Variants in MED28 observed in about 807,000 individuals in gnomAD.
The protein encoded by MED28 is mediator complex subunit 28, also known as mediator of RNA polymerase II transcription subunit 28.
MED28 carries 26 observed loss-of-function variants against 21.3 expected under a neutral mutation model. That is an observed-to-expected ratio of 1.22 (90% CI 0.89 to 1.69). MED28 has a LOEUF of 1.69. Among genes scored for constraint, MED28 ranks in the 40% most tolerant of loss-of-function variants. The pLI is 0.00. For missense variants in MED28, 257 were observed against 215.4 expected (o/e 1.19, Z -1.21); for synonymous variants, 110 against 87.6 (o/e 1.26, Z -1.43).
At position 17,633,640 on chromosome 4, in the gene MED28, A is replaced by G; in HGVS notation, c.*9842A>G. On this transcript the variant is annotated 3_prime_UTR_variant, in exon 4 of 4. Transcript: ENST00000237380. ...TAGAAAGAATCCTACTTCCCCTCTT[A>G]TCTACAGGGAAATAGAATAAGGGCC... 1 of 1,389,838 alleles carries G rather than the reference A, an allele frequency of 7.2e-7. No individual in the cohort carries two copies. Among genetic ancestry groups the G allele is most frequent in the Non-Finnish European group, 9.4e-7 (1 of 1,061,320 alleles). The allele number at this position is 1,389,838 out of a possible 1,614,324, so 86.1% of individuals were successfully genotyped here.
chr4:17,625,749 C>T lies in MED28; in HGVS notation c.*1951C>T. 2.3e-6 allele frequency: 1 copy of T among 428,000 alleles called. No homozygotes were observed. Among genetic ancestry groups the T allele is most frequent in the South Asian group, 1.7e-5 (1 of 59,942 alleles). The allele number at this position is 428,000 out of a possible 1,614,324, so 26.5% of individuals were successfully genotyped here. A position where few individuals can be genotyped will look rare whatever the true frequency, so the allele number is the denominator to read the frequency against. On this transcript the variant is annotated 3_prime_UTR_variant, in exon 4 of 4. Coordinates refer to ENST00000237380, the MANE Select transcript of MED28 (RefSeq NM_025205.5). ...TCACAAGCCATCTTCTCAAGTTCCC[C>T]TAGAAACCTGTGGAATGCCCTCTGC...
intron 3 of MED28, 93 bp downstream of exon 3, chr4:17,621,792 C>CTTTCATT: frequency 1.2e-6 from 1 of 860,548 alleles, no homozygotes. Context: ...CCGTTTCCTG[C>CTTTCATT]GAGTTTCATT....
At position 17,623,907 on chromosome 4, in the gene MED28, T is replaced by A. The variant is rs1425575228; in HGVS notation, c.*109T>A. On this transcript the variant is annotated 3_prime_UTR_variant, in exon 4 of 4. Coordinates refer to ENST00000237380, the MANE Select transcript of MED28 (RefSeq NM_025205.5). ...GAAGAACTCTTTGCCAGATAATGAG[T>A]TCATTTTAGTTTTATGCTCCCATTG... is the stretch of plus-strand genomic sequence containing the variant. The A allele has an allele frequency of 3.9e-6, 5 of 1,271,750 alleles. No homozygotes were observed. The highest frequency in any genetic ancestry group is 5.4e-6 in the Non-Finnish European group (5 of 924,822). 78.8% of individuals were successfully genotyped at this position (1,271,750 alleles called of 1,614,324 possible). A position where few individuals can be genotyped will look rare whatever the true frequency, so the allele number is the denominator to read the frequency against.
At chr4:17,619,870 T>A (rs754337784) in intron 1 of MED28, 31 bp from the exon 2 acceptor site, 1 of 1,601,408 alleles carries the variant, frequency 6.2e-7, no homozygotes, top group Non-Finnish European at 8.6e-7. Context: ...ATAAATGATA[T>A]TTTTTTCTTT....
Position 17,624,129 on chromosome 4 carries a change from G to A in MED28, c.*331G>A. On this transcript the variant is annotated 3_prime_UTR_variant, in exon 4 of 4. Coordinates refer to ENST00000237380, the MANE Select transcript of MED28 (RefSeq NM_025205.5). ...CATGACTTTTCATCTTTTTATGTGT[G>A]TTTCCTGTAGTTTGATCCGAAGGAA... 3.3e-6 allele frequency: 1 copy of A among 300,906 alleles called. No homozygotes were observed. Among genetic ancestry groups the A allele is most frequent in the Non-Finnish European group, 6.4e-6 (1 of 157,130 alleles). 18.6% of individuals were successfully genotyped at this position (300,906 alleles called of 1,614,324 possible). A position where few individuals can be genotyped will look rare whatever the true frequency, so the allele number is the denominator to read the frequency against.
chr4:17,616,517 A>C (rs896916253), intron 1 of MED28, among the ~76,000 whole-genome samples: 1 of 152,168 alleles, frequency 6.6e-6, no homozygotes. Context: ...CAAGATGTTT[A>C]GTGTGGTCTC....
chr4:17,624,093 T>G lies in MED28; in HGVS notation c.*295T>G, dbSNP rs1714711082. 1 of 378,722 alleles carries G rather than the reference T, an allele frequency of 2.6e-6. No individual in the cohort carries two copies. Among genetic ancestry groups the G allele is most frequent in the Non-Finnish European group, 4.9e-6 (1 of 205,988 alleles). 23.5% of individuals were successfully genotyped at this position (378,722 alleles called of 1,614,324 possible). ...CTTTTTTATGGTGGCTTTGCTTGTTTTAAATTTTTGCATGACTTTTCATCT... is the reference window on the plus strand; with the variant it reads ...CTTTTTTATGGTGGCTTTGCTTGTTGTAAATTTTTGCATGACTTTTCATCT... On this transcript the variant is annotated 3_prime_UTR_variant, in exon 4 of 4. Coordinates refer to ENST00000237380, the MANE Select transcript of MED28 (RefSeq NM_025205.5).
rs1230210687 is a variant in MED28, at chr4:17,625,656, A to G, written c.*1858A>G. On this transcript the variant is annotated 3_prime_UTR_variant, in exon 4 of 4. Coordinates refer to ENST00000237380, the MANE Select transcript of MED28 (RefSeq NM_025205.5). ...ATTTTTCAATCTTCTCTGTTTGTAG[A>G]CATCTTACTGGGTGATGAATAATCC... 2 of 447,824 alleles carry G rather than the reference A, an allele frequency of 4.5e-6. No homozygotes were observed. The highest frequency in any genetic ancestry group is 4.0e-5 in the African/African-American group (2 of 49,762). 27.7% of individuals were successfully genotyped at this position (447,824 alleles called of 1,614,324 possible). A position where few individuals can be genotyped will look rare whatever the true frequency, so the allele number is the denominator to read the frequency against.
Position 17,624,034 on chromosome 4 carries a change from C to T in MED28, c.*236C>T, listed in dbSNP as rs1457543034. 1.5e-5 allele frequency: 8 copies of T among 541,164 alleles called. No homozygotes were observed. Among genetic ancestry groups the T allele is most frequent in the African/African-American group, 7.6e-5 (4 of 52,714 alleles). The allele number at this position is 541,164 out of a possible 1,614,324, so 33.5% of individuals were successfully genotyped here. ...GTAAGTATTTTTTTTTTGTCTTTAG[C>T]AAAGTTTAGACTGTGAATATGATGA... is the stretch of plus-strand genomic sequence containing the variant. On this transcript the variant is annotated 3_prime_UTR_variant, in exon 4 of 4. Coordinates refer to ENST00000237380, the MANE Select transcript of MED28 (RefSeq NM_025205.5).
chr4:17,633,907 A>G lies in MED28; in HGVS notation c.*10109A>G. The G allele has an allele frequency of 6.7e-7, 1 of 1,490,118 alleles. No homozygotes were observed. The highest frequency in any genetic ancestry group is 9.0e-7 in the Non-Finnish European group (1 of 1,115,482). The allele number at this position is 1,490,118 out of a possible 1,614,324, so 92.3% of individuals were successfully genotyped here. ...TCTTTTTCTGTTTGTATTAATGGAC[A>G]GGTTAGTGCAATGCAATGCAAAAAA... On this transcript the variant is annotated 3_prime_UTR_variant, in exon 4 of 4. Transcript: ENST00000237380.
At position 17,623,815 on chromosome 4, in the gene MED28, G is replaced by A; in HGVS notation, c.*17G>A. 1 of 1,607,840 alleles carries A rather than the reference G, an allele frequency of 6.2e-7. No individual in the cohort carries two copies. The highest frequency in any genetic ancestry group is 1.1e-5 in the South Asian group (1 of 90,264). On this transcript the variant is annotated 3_prime_UTR_variant, in exon 4 of 4. Coordinates refer to ENST00000237380, the MANE Select transcript of MED28 (RefSeq NM_025205.5). Reference sequence around the variant, plus strand: ...CCAACGTGAGCAAAGGGCAGAGGCAGTTGGCCTATGAGTGGGCTGATGCGT... The same window carrying A: ...CCAACGTGAGCAAAGGGCAGAGGCAATTGGCCTATGAGTGGGCTGATGCGT...
At chr4:17,615,014 C>G (rs1228066120) in intron 1 of MED28, among the ~76,000 whole-genome samples, 1 of 152,198 alleles carries the variant, frequency 6.6e-6, no homozygotes. Flanking sequence ...GTAAACTCGA[C>G]GTTTGTGGAA....
At chr4:17,623,079 T>C (rs1191334119) in intron 3 of MED28, among the ~76,000 whole-genome samples, 1 of 152,206 alleles carries the variant, frequency 6.6e-6, no homozygotes, top group Non-Finnish European at 1.5e-5. Context: ...TTTTGAATTT[T>C]GTAACTTGCA....
chr4:17,618,851 T>C (rs1222287575), intron 1 of MED28, among the ~76,000 whole-genome samples: 1 of 152,198 alleles, frequency 6.6e-6, no homozygotes, highest in Non-Finnish European at 1.5e-5. Flanking sequence ...GGAGTCAATG[T>C]TCAAAGTAAT....
rs139440466 is a variant in MED28, at chr4:17,629,166, G to A, written c.*5368G>A. The A allele has an allele frequency of 0.018, 2,717 of 152,588 alleles. 70 individuals are homozygous for A. Among genetic ancestry groups the A allele is most frequent in the African/African-American group, 0.053 (2,215 of 41,548 alleles). The allele number at this position is 152,588 out of a possible 1,614,324, so 9.5% of individuals were successfully genotyped here. A position where few individuals can be genotyped will look rare whatever the true frequency, so the allele number is the denominator to read the frequency against. ...GAGAATCGCTTGAACCCGGGAGGCC[G>A]AGGTTGCAGTGAGCTGAGATGGCGC... On this transcript the variant is annotated 3_prime_UTR_variant, in exon 4 of 4. Transcript: ENST00000237380.
intron 1 of MED28, among the ~76,000 whole-genome samples, chr4:17,615,599 C>T (rs1323424686): frequency 6.6e-6 from 1 of 152,130 alleles, no homozygotes; most frequent in Non-Finnish European, 1.5e-5. Flanking sequence ...ATCATGAGGT[C>T]AGGAGTTCGA....
Position 17,621,632 on chromosome 4 carries a change from CA to C in MED28, c.273del (p.Glu92AsnfsTer27), listed in dbSNP as rs1399867549. The part of the protein sequence containing the change: ...IQKFLDIARQ[T>X]ECFFLQKRLQ... The stretch of plus-strand genomic sequence containing the variant: ...AAGTTTCTGGATATTGCAAGACAGA[CA>C]GAATGTTTTTTCTTACAAAAAAGAT... On this transcript the variant is annotated frameshift_variant, in exon 3 of 4. Transcript: ENST00000237380. LOFTEE classifies it high-confidence loss of function. 6.2e-7 allele frequency: 1 copy of C among 1,610,180 alleles called. No individual in the cohort carries two copies. Among genetic ancestry groups the C allele is most frequent in the African/African-American group, 1.3e-5 (1 of 74,874 alleles).
At chr4:17,619,514 C>T (rs1411482811) in intron 1 of MED28, among the ~76,000 whole-genome samples, 1 of 152,154 alleles carries the variant, frequency 6.6e-6, no homozygotes, top group Non-Finnish European at 1.5e-5. Context: ...AAAGGGTAGA[C>T]CGGCTGCTGT....
rs981799386 is a variant in MED28, at chr4:17,633,940, A to T, written c.*10142A>T. 6 of 879,908 alleles carry T rather than the reference A, an allele frequency of 6.8e-6. No individual in the cohort carries two copies. In the African/African-American group the frequency reaches 9.5e-5, roughly 14 times the overall value. 54.5% of individuals were successfully genotyped at this position (879,908 alleles called of 1,614,324 possible). A position where few individuals can be genotyped will look rare whatever the true frequency, so the allele number is the denominator to read the frequency against. On this transcript the variant is annotated 3_prime_UTR_variant, in exon 4 of 4. Transcript: ENST00000237380. ...GCAATGCAATGCAAAAAACAAAATAAAGCATTATTGTAAAAGCAAATAATG... is the reference window on the plus strand; with the variant it reads ...GCAATGCAATGCAAAAAACAAAATATAGCATTATTGTAAAAGCAAATAATG...
Sources: gnomAD v4.1 joint callset for allele counts (sites outside exome capture counted in the v4.1 genomes callset) on GRCh38, gnomAD v4.1.1 for gene constraint, MANE v1.5 for transcripts, NCBI Gene and HGNC (gene_info 2026-07-23, HGNC 2026-07-21) for gene names.